The following CUEDC2 variants were observed in gnomAD, a reference collection of about 807,000 sequenced individuals.
CUEDC2 encodes the protein CUE domain containing 2.
CUEDC2 carries 10 observed loss-of-function variants against 36.0 expected under a neutral mutation model. That is an observed-to-expected ratio of 0.28 (90% CI 0.17 to 0.47). CUEDC2 has a LOEUF of 0.47. Ranked by LOEUF, CUEDC2 falls within the 20% of genes least tolerant of loss-of-function variation. The pLI, the probability that CUEDC2 is intolerant of heterozygous loss-of-function variation, is 0.99. For synonymous variants in CUEDC2, 133 were observed against 141.8 expected (o/e 0.94, Z 0.44); for missense variants, 269 against 368.1 (o/e 0.73, Z 2.20).
At chr10:102,428,036 G>C (rs2061604153) in intron 1 of CUEDC2, among the ~76,000 whole-genome samples, 1 of 152,088 alleles carries the variant, frequency 6.6e-6, no homozygotes, top group Non-Finnish European at 1.5e-5. Flanking sequence ...CTGCCTCCTG[G>C]GTTCAAGCGA....
In CUEDC2 at chr10:102,424,624, C is replaced by T; in HGVS notation, c.218+25G>A. On this transcript the variant is annotated intron_variant, in intron 3 of 8. Coordinates refer to ENST00000369937, the MANE Select transcript of CUEDC2 (RefSeq NM_024040.3). This position sits in a 1 kb window ranked among gnomAD's most constrained non-coding sequence, Gnocchi z 4.2. ...CCCCATAATCAGCCAGCCCCTTCCTCCTCCTGGCCCTAGCCAGAACCTACC... is the reference window on the plus strand; with the variant it reads ...CCCCATAATCAGCCAGCCCCTTCCTTCTCCTGGCCCTAGCCAGAACCTACC... 6.2e-7 allele frequency: 1 copy of T among 1,614,208 alleles called. No individual in the cohort carries two copies. Among genetic ancestry groups the T allele is most frequent in the Non-Finnish European group, 8.5e-7 (1 of 1,180,022 alleles).
In CUEDC2 at chr10:102,423,961, G is replaced by C. The variant is rs2061585162; in HGVS notation, c.594+35C>G. On this transcript the variant is annotated intron_variant, in intron 6 of 8. Transcript: ENST00000369937. The surrounding 1 kb of genome is among the most constrained non-coding windows in gnomAD (Gnocchi z 5.6). ...CTTAACACCAAGGTGGAATGTAGCT[G>C]AGGCTACATGGTAGAGGGTGCTGGG... The C allele has an allele frequency of 6.2e-7, 1 of 1,606,220 alleles. No individual in the cohort carries two copies. Among genetic ancestry groups the C allele is most frequent in the East Asian group, 2.2e-5 (1 of 44,820 alleles).
chr10:102,428,788 C>T (rs1281337463), intron 1 of CUEDC2, among the ~76,000 whole-genome samples: 1 of 152,094 alleles, frequency 6.6e-6, no homozygotes, highest in African/African-American at 2.4e-5. Flanking sequence ...CTTTGGGAGA[C>T]CCAGGGGGTT....
chr10:102,425,437 C>T (rs1192562329), intron 1 of CUEDC2, among the ~76,000 whole-genome samples: 1 of 129,200 alleles, frequency 7.7e-6, no homozygotes, highest in African/African-American at 2.8e-5. Context: ...CCACCTCTCC[C>T]CACCCCCCTA....
intron 1 of CUEDC2, among the ~76,000 whole-genome samples, chr10:102,430,146 A>ATTTT (rs528455467): frequency 3.4e-4 from 6 of 17,780 alleles, no homozygotes; most frequent in African/African-American, 1.4e-3. Flanking sequence ...TTTTTTTTTA[A>ATTTT]TTTTATTTAT....
In CUEDC2 at chr10:102,429,892, A is replaced by G. The variant is rs539706989; in HGVS notation, c.-11+2634T>C. 4.0e-5 allele frequency among the ~76,000 whole-genome samples: 6 copies of G among 148,474 alleles called. No individual in the cohort carries two copies. The East Asian group carries it at 1.2e-3, about 30-fold the overall frequency. The stretch of plus-strand genomic sequence containing the variant: ...TGGAGTGCAATGGTGTGAACCTGAC[A>G]GGGTCAAGCAATTCTCCTGCCTCAG... On this transcript the variant is annotated intron_variant, in intron 1 of 8. Transcript: ENST00000369937.
chr10:102,427,934 G>C (rs954674279), intron 1 of CUEDC2, among the ~76,000 whole-genome samples: 1 of 149,846 alleles, frequency 6.7e-6, no homozygotes, highest in Non-Finnish European at 1.5e-5. Flanking sequence ...TTTGTTTTTT[G>C]TTTGTTTGTT....
In CUEDC2 at chr10:102,423,419, G is replaced by C; in HGVS notation, c.*7C>G. On this transcript the variant is annotated 3_prime_UTR_variant, in exon 9 of 9. Coordinates refer to ENST00000369937, the MANE Select transcript of CUEDC2 (RefSeq NM_024040.3). This position sits in a 1 kb window ranked among gnomAD's most constrained non-coding sequence, Gnocchi z 5.6. ...CTAGAAGGCTCGGGCAGAGTCCGGC[G>C]AGTGCCTCAATGGAAGCGGTACTTT... The C allele has an allele frequency of 6.2e-7, 1 of 1,614,190 alleles. No homozygotes were observed. Among genetic ancestry groups the C allele is most frequent in the Non-Finnish European group, 8.5e-7 (1 of 1,180,036 alleles).
intron 1 of CUEDC2, among the ~76,000 whole-genome samples, chr10:102,425,775 A>C (rs978234298): frequency 6.6e-6 from 1 of 151,870 alleles, no homozygotes; most frequent in African/African-American, 2.4e-5. Flanking sequence ...CTATCTGCAC[A>C]GCACTTTCCA....
intron 1 of CUEDC2, among the ~76,000 whole-genome samples, chr10:102,425,729 T>G (rs2061593865): frequency 3.9e-5 from 6 of 151,918 alleles, no homozygotes; most frequent in Admixed American, 3.9e-4. Flanking sequence ...GGATTCTCTC[T>G]TCTCGCCCAG....
intron 1 of CUEDC2, among the ~76,000 whole-genome samples, chr10:102,428,746 A>G (rs2061606701): frequency 6.6e-6 from 1 of 151,848 alleles, no homozygotes; most frequent in Non-Finnish European, 1.5e-5. Flanking sequence ...TTTTTAGGCC[A>G]GGCACGGAGG....
chr10:102,429,579 C>A (rs2135473116), intron 1 of CUEDC2, among the ~76,000 whole-genome samples: 1 of 149,640 alleles, frequency 6.7e-6, no homozygotes, highest in Admixed American at 6.7e-5. Context: ...GACTGAGAAG[C>A]CCCAGCCTAC....
rs750743278 is a variant in CUEDC2 at position 102,424,106 on chromosome 10, C to T, written c.484G>A (p.Glu162Lys). The T allele has an allele frequency of 3.1e-6, 5 of 1,614,130 alleles. No individual in the cohort carries two copies. The highest frequency in any genetic ancestry group is 4.2e-6 in the Non-Finnish European group (5 of 1,180,006). The change falls in exon 6 of 9, where the codon GAG becomes AAG. Residue 162 changes from glutamate (E) to lysine (K), a missense_variant. Coordinates refer to ENST00000369937, the MANE Select transcript of CUEDC2 (RefSeq NM_024040.3). The surrounding 1 kb of genome is among the most constrained non-coding windows in gnomAD (Gnocchi z 4.2). ...TTGGCCAGCACCCACTGGGCCTGCT[C>T]CACCGAACAGGTAGGGAACACCTCC... is the stretch of plus-strand genomic sequence containing the variant. ...LLEVFPTCSV[E>K]QAQWVLAKAR...
Position 102,424,672 on chromosome 10 carries a change from C to T in CUEDC2, c.195G>A (p.Val65=), listed in dbSNP as rs775516165. ...ACCTGGGGATGTGGGCGAAGCCAGG[C>T]ACATAGGCCTCCATCATCTCAGTGA... ...EAFTEMMEAY[V]PGFAHIPRGT... is the part of the protein sequence containing the mutation. Residue 65 remains valine, a synonymous_variant, in exon 3 of 9, where the codon GTG becomes GTA. Coordinates refer to ENST00000369937, the MANE Select transcript of CUEDC2 (RefSeq NM_024040.3). This position sits in a 1 kb window ranked among gnomAD's most constrained non-coding sequence, Gnocchi z 4.2. 6.2e-6 allele frequency: 10 copies of T among 1,614,086 alleles called. No individual in the cohort carries two copies. The highest frequency in any genetic ancestry group is 7.6e-6 in the Non-Finnish European group (9 of 1,180,030).
chr10:102,430,036 G>T (rs986934130), intron 1 of CUEDC2, among the ~76,000 whole-genome samples: 1 of 151,254 alleles, frequency 6.6e-6, no homozygotes, highest in Non-Finnish European at 1.5e-5. Flanking sequence ...CTGACCTCAG[G>T]TGATCTGCCC....
chr10:102,429,917 G>A (rs1285814681), intron 1 of CUEDC2, among the ~76,000 whole-genome samples: 1 of 149,440 alleles, frequency 6.7e-6, no homozygotes, highest in Non-Finnish European at 1.5e-5. Context: ...TCCTGCCTCA[G>A]CCTCCTGAGT....
At position 102,424,425 on chromosome 10, in the gene CUEDC2, C is replaced by T. The variant is rs771696590; in HGVS notation, c.281-31G>A. ...AGAGGCAAAGAGAGCATCAGGTTTGCCAAGGCTCTGGGGAGCAGGCAGTTG... is the reference window on the plus strand; with the variant it reads ...AGAGGCAAAGAGAGCATCAGGTTTGTCAAGGCTCTGGGGAGCAGGCAGTTG... On this transcript the variant is annotated intron_variant, in intron 4 of 8. Coordinates refer to ENST00000369937, the MANE Select transcript of CUEDC2 (RefSeq NM_024040.3). The surrounding 1 kb of genome is among the most constrained non-coding windows in gnomAD (Gnocchi z 4.2). 6 of 1,613,446 alleles carry T rather than the reference C, an allele frequency of 3.7e-6. No individual in the cohort carries two copies. The highest frequency in any genetic ancestry group is 5.1e-6 in the Non-Finnish European group (6 of 1,179,476).
chr10:102,430,822 ACCTAAGCAG>A, intron 1 of CUEDC2, among the ~76,000 whole-genome samples: 1 of 152,166 alleles, frequency 6.6e-6, no homozygotes, highest in Non-Finnish European at 1.5e-5. Flanking sequence ...CCTAAGTAGC[ACCTAAGCAG>A]CCACCCTTCT....
Position 102,424,726 on chromosome 10 carries a change from TGGGCCCGAG to T in CUEDC2, c.132_140del (p.Gly46_Ser48del). On this transcript the variant is annotated inframe_deletion, in exon 3 of 9. Coordinates refer to ENST00000369937, the MANE Select transcript of CUEDC2 (RefSeq NM_024040.3). This position sits in a 1 kb window ranked among gnomAD's most constrained non-coding sequence, Gnocchi z 4.2. ...CCTCCATATCGAAGTTCTCCTCTGA[TGGGCCCGAG>T]GGGCCCAGGTCCTCCAGGACCCCAA... The T allele has an allele frequency of 1.2e-6, 2 of 1,614,058 alleles. No individual in the cohort carries two copies. The highest frequency in any genetic ancestry group is 1.3e-5 in the African/African-American group (1 of 75,052).
Sources: allele counts gnomAD v4.1 joint callset (sites outside exome capture counted in the v4.1 genomes callset), GRCh38; gene constraint gnomAD v4.1.1; non-coding constraint Gnocchi (gnomAD v3.1); transcripts MANE v1.5; gene names NCBI Gene and HGNC (gene_info 2026-07-23, HGNC 2026-07-21).